The following PHF24 variants were observed in gnomAD, a reference collection of about 807,000 sequenced individuals.
The protein encoded by PHF24 is Galpha inhibitory interacting protein.
In PHF24, 25 loss-of-function variants were observed where a neutral mutation model predicts 42.6. That is an observed-to-expected ratio of 0.59 (90% CI 0.43 to 0.82). PHF24 has a LOEUF of 0.82. Ranked by LOEUF, PHF24 falls within the 40% of genes least tolerant of loss-of-function variation. PHF24 has a pLI of 0.00. For synonymous variants in PHF24, 185 were observed against 204.8 expected (o/e 0.90, Z 0.83); for missense variants, 470 against 538.1 (o/e 0.87, Z 1.25).
At chr9:34,713,342 A>G in the PHF24 span, among the ~76,000 whole-genome samples, 1 of 151,862 alleles carries the variant, frequency 6.6e-6, no homozygotes, top group Non-Finnish European at 1.5e-5. Flanking sequence ...CAAATGCAAA[A>G]CCCCTCATTT....
At chr9:34,962,811 C>T (rs2132861855) in intron 1 of PHF24, among the ~76,000 whole-genome samples, 1 of 152,342 alleles carries the variant, frequency 6.6e-6, no homozygotes, top group African/African-American at 2.4e-5. Context: ...TTAATGAAGA[C>T]TCAGGCCCTA....
chr9:34,959,254 G>A (rs1826506431), intron 1 of PHF24, among the ~76,000 whole-genome samples: 1 of 152,154 alleles, frequency 6.6e-6, no homozygotes, highest in Non-Finnish European at 1.5e-5. Context: ...GGCAGGTCCT[G>A]GAGGGAAAGG....
the PHF24 span, among the ~76,000 whole-genome samples, chr9:34,937,457 C>G: frequency 0.055 from 8,293 of 152,104 alleles, 266 homozygotes; most frequent in Non-Finnish European, 0.071. Flanking sequence ...GCAGCAGGCT[C>G]GTTAAGAGTC....
the PHF24 span, among the ~76,000 whole-genome samples, chr9:34,671,565 G>A: frequency 6.6e-6 from 1 of 152,156 alleles, no homozygotes; most frequent in Non-Finnish European, 1.5e-5. Flanking sequence ...TTGTTTCTGG[G>A]GTGGGACTAG....
At chr9:34,749,530 C>G in the PHF24 span, among the ~76,000 whole-genome samples, 1 of 151,418 alleles carries the variant, frequency 6.6e-6, no homozygotes, top group South Asian at 2.1e-4. Flanking sequence ...GTCAGGAGTT[C>G]AAGACCAGCC....
chr9:34,977,856 C>G (rs1827257200), intron 7 of PHF24, among the ~76,000 whole-genome samples, 159 bp from the exon 8 acceptor site: 1 of 152,136 alleles, frequency 6.6e-6, no homozygotes, highest in Non-Finnish European at 1.5e-5. Flanking sequence ...CAGGCATGAG[C>G]CAAGCTTCCC....
the PHF24 span, among the ~76,000 whole-genome samples, chr9:34,790,993 G>C: frequency 2.0e-5 from 3 of 152,220 alleles, no homozygotes; most frequent in Non-Finnish European, 4.4e-5. Flanking sequence ...AGATAATGTA[G>C]GGGCTTGTAG....
the PHF24 span, among the ~76,000 whole-genome samples, chr9:34,801,447 T>C: frequency 1.3e-5 from 2 of 152,076 alleles, no homozygotes; most frequent in Admixed American, 6.5e-5. Flanking sequence ...ATATACACCA[T>C]GGAATACTAT....
the PHF24 span, among the ~76,000 whole-genome samples, chr9:34,863,415 CAG>C: frequency 0.061 from 8,932 of 146,908 alleles, 673 homozygotes; most frequent in African/African-American, 0.18. Flanking sequence ...GCTGGCTCAT[CAG>C]AGAGAGAGAG....
intron 3 of PHF24, among the ~76,000 whole-genome samples, chr9:34,972,787 G>GC (rs879671150): frequency 6.6e-6 from 1 of 151,880 alleles, no homozygotes; most frequent in Non-Finnish European, 1.5e-5. Flanking sequence ...GGTGGCACGC[G>GC]CCTGTAGTCC....
the PHF24 span, among the ~76,000 whole-genome samples, chr9:34,923,190 C>T: frequency 6.6e-6 from 1 of 151,940 alleles, no homozygotes. Flanking sequence ...TATGTTGAAA[C>T]ATCCTTGCAT....
At chr9:34,776,235 A>G in the PHF24 span, among the ~76,000 whole-genome samples, 2 of 152,198 alleles carry the variant, frequency 1.3e-5, no homozygotes, top group Admixed American at 6.5e-5. Context: ...TGTACTCTTA[A>G]AACTTACTTT....
the PHF24 span, among the ~76,000 whole-genome samples, chr9:34,803,544 C>A: frequency 6.6e-6 from 1 of 152,118 alleles, no homozygotes; most frequent in Non-Finnish European, 1.5e-5. Flanking sequence ...GGATCTGTTT[C>A]CTTTAAAATT....
upstream of PHF24, among the ~76,000 whole-genome samples, chr9:34,956,120 T>C (rs1005990373): frequency 1.3e-5 from 2 of 152,164 alleles, no homozygotes; most frequent in African/African-American, 4.8e-5. Context: ...GATTTTCTCT[T>C]TTGTATTATG....
chr9:34,875,938 ACACACACACACACTCTCTCTCTCT>A, the PHF24 span, among the ~76,000 whole-genome samples: 24 of 88,548 alleles, frequency 2.7e-4, no homozygotes, highest in African/African-American at 1.1e-3. Context: ...ACACACACAC[ACACACACACACACTCTCTCTCTCT>A]CTCTCTCTCT....
the PHF24 span, among the ~76,000 whole-genome samples, chr9:34,745,467 A>G: frequency 6.6e-6 from 1 of 152,122 alleles, no homozygotes; most frequent in Non-Finnish European, 1.5e-5. Context: ...TCAAGAAGAA[A>G]TGATATTTAC....
At chr9:34,966,116 A>C (rs564436118) in intron 1 of PHF24, among the ~76,000 whole-genome samples, 4 of 152,264 alleles carry the variant, frequency 2.6e-5, no homozygotes, top group Admixed American at 2.0e-4. Flanking sequence ...CACACACACA[A>C]AAAAAGCAGA....
the PHF24 span, among the ~76,000 whole-genome samples, chr9:34,739,813 A>G: frequency 6.6e-6 from 1 of 152,120 alleles, no homozygotes; most frequent in Admixed American, 6.5e-5. Flanking sequence ...GCCTGCTTTT[A>G]TTCTCTTATC....
At chr9:34,719,282 A>C in the PHF24 span, among the ~76,000 whole-genome samples, 128 of 152,212 alleles carry the variant, frequency 8.4e-4, no homozygotes, top group Non-Finnish European at 1.4e-3. Flanking sequence ...CAAGTGATCC[A>C]CCCGCCTCGG....
Sources: gnomAD v4.1 joint callset for allele counts (sites outside exome capture counted in the v4.1 genomes callset) on GRCh38, gnomAD v4.1.1 for gene constraint, MANE v1.5 for transcripts, NCBI Gene and HGNC (gene_info 2026-07-23, HGNC 2026-07-21) for gene names.